Variants in TXNL4A observed in about 807,000 individuals in gnomAD.
TXNL4A encodes the protein thioredoxin like 4A, also known as thioredoxin-like protein 4A.
In TXNL4A, 17 loss-of-function variants were observed where a neutral mutation model predicts 14.6. The ratio of observed to expected loss-of-function variants is 1.16; its 90% CI spans 0.80 to 1.74. TXNL4A has a LOEUF of 1.74. Ranked by LOEUF, TXNL4A falls within the 40% of genes most tolerant of loss-of-function variation. The pLI is 0.00. For synonymous variants in TXNL4A, 83 were observed against 70.6 expected (o/e 1.18, Z -0.88); for missense variants, 74 against 195.2 (o/e 0.38, Z 3.70).
chr18:80,001,980 G>C (rs1485634391), intron 1 of TXNL4A, among the ~76,000 whole-genome samples: 1 of 152,110 alleles, frequency 6.6e-6, no homozygotes, highest in East Asian at 1.9e-4. Flanking sequence ...GGTATTGTTT[G>C]GCTGTGTCCC....
chr18:80,020,768 C>T (rs374191580), intron 1 of TXNL4A, among the ~76,000 whole-genome samples: 15 of 152,130 alleles, frequency 9.9e-5, no homozygotes, highest in East Asian at 1.9e-4. Flanking sequence ...TTACTGTACC[C>T]AGGTATTTAC....
chr18:80,013,403 G>A (rs374522417), intron 1 of TXNL4A, among the ~76,000 whole-genome samples: 1 of 151,702 alleles, frequency 6.6e-6, no homozygotes, highest in Admixed American at 6.6e-5. Flanking sequence ...TTACAGGCGT[G>A]AGCCACCACA....
At chr18:79,994,982 G>A (rs529464898) in intron 1 of TXNL4A, 1 of 152,216 alleles carries the variant, frequency 6.6e-6, no homozygotes, top group African/African-American at 2.4e-5. Flanking sequence ...CTCTCATCTG[G>A]AAGACATGGA....
chr18:79,988,786 G>A (rs1364510668), upstream of TXNL4A, among the ~76,000 whole-genome samples: 2 of 151,950 alleles, frequency 1.3e-5, no homozygotes, highest in Non-Finnish European at 2.9e-5. Context: ...GAGAAGCCCC[G>A]GGCTCGCCGT....
At chr18:80,010,382 C>T (rs1390656070) in intron 1 of TXNL4A, among the ~76,000 whole-genome samples, 4 of 151,992 alleles carry the variant, frequency 2.6e-5, no homozygotes, top group Non-Finnish European at 5.9e-5. Flanking sequence ...AAAGCTTGGC[C>T]CAGCACCAGT....
intron 1 of TXNL4A, among the ~76,000 whole-genome samples, chr18:80,004,210 T>C (rs1346575534): frequency 1.3e-5 from 2 of 151,878 alleles, no homozygotes; most frequent in Non-Finnish European, 2.9e-5. Flanking sequence ...AGTAGAGGGA[T>C]TCCCTGAGGT....
intron 1 of TXNL4A, among the ~76,000 whole-genome samples, chr18:79,998,271 C>T (rs1190075759): frequency 8.0e-5 from 12 of 150,898 alleles, no homozygotes; most frequent in African/African-American, 2.2e-4. Flanking sequence ...CCAGACTGAA[C>T]GACAGAGCGA....
chr18:80,014,016 G>C (rs1415208654), intron 1 of TXNL4A, among the ~76,000 whole-genome samples: 1 of 152,156 alleles, frequency 6.6e-6, no homozygotes, highest in Non-Finnish European at 1.5e-5. Flanking sequence ...CAGCTCTCAA[G>C]AGACTTATTC....
intron 1 of TXNL4A, among the ~76,000 whole-genome samples, chr18:80,026,423 C>G (rs1432883310): frequency 3.9e-5 from 6 of 152,088 alleles, no homozygotes; most frequent in African/African-American, 1.4e-4. Flanking sequence ...AAATGCAACT[C>G]AGGAAGACTA....
At chr18:79,992,056 G>C (rs1437566085), upstream of TXNL4A, among the ~76,000 whole-genome samples, 1 of 152,222 alleles carries the variant, frequency 6.6e-6, no homozygotes, top group East Asian at 1.9e-4. Context: ...ATATGTGAGA[G>C]ATGAACAGTT....
chr18:79,973,771 T>C lies in TXNL4A; in HGVS notation c.343A>G (p.Ile115Val), dbSNP rs557221510. 5 of 1,614,208 alleles carry C rather than the reference T, an allele frequency of 3.1e-6. No homozygotes were observed. In the South Asian group the frequency reaches 5.5e-5, roughly 18 times the overall value. ...AMEDKQEMVD[I>V]IETVYRGARK... ...GCCCCGCGGTACACCGTCTCGATGA[T>C]GTCCACCATCTCCTGCTTGTCCTCC... Residue 115 changes from isoleucine to valine, a missense_variant, in exon 3 of 3, where the codon ATC becomes GTC. Ile to Val is a conservative substitution (Grantham distance 29, BLOSUM62 3). This residue lies in a region of TXNL4A where 19 missense variants were observed against 60.6 expected (regional missense o/e 0.31). Coordinates refer to ENST00000269601, the MANE Select transcript of TXNL4A (RefSeq NM_006701.5).
chr18:80,027,419 A>C (rs891490), intron 1 of TXNL4A, among the ~76,000 whole-genome samples: 115,813 of 151,956 alleles, frequency 0.76, 44,876 homozygotes, highest in East Asian at 0.91. Context: ...ATAGTCCCAA[A>C]CCACATATCC....
intron 1 of TXNL4A, among the ~76,000 whole-genome samples, chr18:79,984,646 C>T (rs571156197): frequency 9.2e-5 from 14 of 152,284 alleles, no homozygotes; most frequent in African/African-American, 3.1e-4. Context: ...GATGGGGTCT[C>T]GCTCTATCAC....
rs1348414851 is a variant in TXNL4A, at chr18:80,011,982, C to G, written c.-61+21869G>C. Among the ~76,000 whole-genome samples the G allele has an allele frequency of 6.6e-6, 1 of 152,028 alleles. No homozygotes were observed. Among genetic ancestry groups the G allele is most frequent in the Non-Finnish European group, 1.5e-5 (1 of 68,016 alleles). On this transcript the variant is annotated intron_variant, in intron 1 of 2. Coordinates refer to the TXNL4A transcript ENST00000585474. This position sits in a 1 kb window ranked among gnomAD's most constrained non-coding sequence, Gnocchi z 4.1. ...AATCCTTTTCCTCATCCCTTCCTCC[C>G]CCTCCCATCTGCCCTAAGAACAAAG...
chr18:79,974,228 C>T (rs1033523534), intron 2 of TXNL4A, among the ~76,000 whole-genome samples: 3 of 152,084 alleles, frequency 2.0e-5, no homozygotes, highest in Admixed American at 6.5e-5. Context: ...ACATGGATAA[C>T]AAAATGAGAC....
intron 1 of TXNL4A, among the ~76,000 whole-genome samples, chr18:80,027,187 T>G (rs2051890210): frequency 6.6e-6 from 1 of 151,988 alleles, no homozygotes; most frequent in South Asian, 2.1e-4. Flanking sequence ...TACTCAACCT[T>G]AAACAGTTTT....
At chr18:79,991,444 T>G (rs189706584), upstream of TXNL4A, among the ~76,000 whole-genome samples, 1 of 149,546 alleles carries the variant, frequency 6.7e-6, no homozygotes, top group East Asian at 2.1e-4. Flanking sequence ...GTAGCAGACA[T>G]CAACAGCTAG....
chr18:79,995,441 A>G (rs1470038922), intron 1 of TXNL4A: 1 of 152,252 alleles, frequency 6.6e-6, no homozygotes, highest in Non-Finnish European at 1.5e-5. Context: ...ATGCTGCCAG[A>G]GCACAAAGGA....
intron 1 of TXNL4A, among the ~76,000 whole-genome samples, chr18:79,984,422 A>G (rs994007382): frequency 3.3e-5 from 5 of 152,038 alleles, no homozygotes; most frequent in African/African-American, 1.2e-4. Context: ...GCAAAACCAC[A>G]TCTCTACCAA....
Sources: gnomAD v4.1 joint callset for allele counts (sites outside exome capture counted in the v4.1 genomes callset) on GRCh38, gnomAD v4.1.1 for gene constraint, gnomAD v4.1.1 regional missense constraint, Gnocchi (gnomAD v3.1) non-coding constraint, MANE v1.5 for transcripts, NCBI Gene and HGNC (gene_info 2026-07-23, HGNC 2026-07-21) for gene names.